RBMS3: variants seen among roughly 807,000 people sequenced by gnomAD.
RBMS3 encodes the protein RNA binding motif single stranded interacting protein 3.
A neutral mutation model predicts 66.8 loss-of-function variants in RBMS3; 27 were observed. The observed-to-expected ratio is 0.40, with a 90% confidence interval of 0.30 to 0.56. The LOEUF (loss-of-function observed/expected upper bound fraction) is 0.56. Among genes scored for constraint, RBMS3 ranks in the 20% least tolerant of loss-of-function variants. The pLI, the probability that RBMS3 is intolerant of heterozygous loss-of-function variation, is 0.40. For missense variants in RBMS3, 513 were observed against 549.5 expected, an observed-to-expected ratio of 0.93 and a Z score of 0.66; for synonymous variants, 188 against 183.0, an observed-to-expected ratio of 1.03 and a Z score of -0.22.
At chr3:29,738,838 G>A (rs980380393) in intron 4 of RBMS3, among the ~76,000 whole-genome samples, 1 of 152,192 alleles carries the variant, frequency 6.6e-6, no homozygotes, top group Non-Finnish European at 1.5e-5. Context: ...CTAGTGGAAG[G>A]CAGTAGACCA....
intron 4 of RBMS3, among the ~76,000 whole-genome samples, chr3:29,623,847 A>G (rs945290297): frequency 1.3e-5 from 2 of 152,216 alleles, no homozygotes; most frequent in Admixed American, 6.5e-5. Context: ...ACAATGGACT[A>G]TGAATGAAGT....
intron 6 of RBMS3, among the ~76,000 whole-genome samples, chr3:29,861,404 T>G (rs1170330320): frequency 6.6e-6 from 1 of 152,278 alleles, no homozygotes; most frequent in Middle Eastern, 3.4e-3. Context: ...ACCAGACCAG[T>G]AATGTTATAG....
intron 1 of RBMS3, among the ~76,000 whole-genome samples, chr3:29,350,108 C>T (rs1484105723): frequency 1.3e-5 from 2 of 150,290 alleles, no homozygotes; most frequent in Non-Finnish European, 2.9e-5. Context: ...TGCAGTGAAC[C>T]GAGGTCTCAC....
At chr3:29,765,626 G>A (rs1276000984) in intron 6 of RBMS3, 1 of 151,976 alleles carries the variant, frequency 6.6e-6, no homozygotes, top group Non-Finnish European at 1.5e-5. Flanking sequence ...TTAAGGTCAT[G>A]TAGATGAGGG....
chr3:29,602,824 G>T (rs9855561), intron 4 of RBMS3, among the ~76,000 whole-genome samples: 6 of 151,822 alleles, frequency 4.0e-5, no homozygotes, highest in African/African-American at 1.2e-4. Flanking sequence ...ATAACCTATT[G>T]CTTGCATTCA....
At chr3:29,442,116 C>T (rs550037792) in intron 2 of RBMS3, among the ~76,000 whole-genome samples, 3 of 152,238 alleles carry the variant, frequency 2.0e-5, no homozygotes, top group Admixed American at 2.0e-4. Context: ...ATTTATTCAA[C>T]ATTCTACTTT....
At chr3:29,620,350 A>G (rs2048823785) in intron 4 of RBMS3, among the ~76,000 whole-genome samples, 1 of 152,082 alleles carries the variant, frequency 6.6e-6, no homozygotes, top group Admixed American at 6.5e-5. Flanking sequence ...CTTTTCAATG[A>G]CTTGTTTGCA....
chr3:29,411,508 G>A (rs935345127), intron 1 of RBMS3, among the ~76,000 whole-genome samples: 1 of 152,030 alleles, frequency 6.6e-6, no homozygotes. Flanking sequence ...TCAGGAAATG[G>A]TCCAAAAGAC....
intron 4 of RBMS3, among the ~76,000 whole-genome samples, chr3:29,658,816 TG>T (rs2050417783): frequency 1.3e-5 from 2 of 152,230 alleles, no homozygotes; most frequent in African/African-American, 4.8e-5. Flanking sequence ...TGCTGTTTTT[TG>T]TTTGTTTGCT....
At chr3:29,752,221 T>C (rs1213334213) in intron 5 of RBMS3, among the ~76,000 whole-genome samples, 2 of 152,190 alleles carry the variant, frequency 1.3e-5, no homozygotes, top group Non-Finnish European at 2.9e-5. Context: ...AGAACTCTTC[T>C]ATGAAATTCT....
rs1006082606 is a variant in RBMS3, at chr3:29,442,928, G to T, written c.248+8013G>T. On this transcript the variant is annotated intron_variant, in intron 2 of 14. Coordinates refer to ENST00000383767, the MANE Select transcript of RBMS3 (RefSeq NM_001003793.3). ...ATATTTTGGAGTTTTCTGGAGATTG[G>T]ACCCCTCTTTTCACTCTATAAACTG... 2.0e-5 allele frequency among the ~76,000 whole-genome samples: 3 copies of T among 151,898 alleles called. No homozygotes were observed. The East Asian group carries it at 5.8e-4, about 29-fold the overall frequency.
At chr3:29,627,286 TTCTC>T (rs140189450) in intron 4 of RBMS3, among the ~76,000 whole-genome samples, 1 of 149,072 alleles carries the variant, frequency 6.7e-6, no homozygotes, top group Non-Finnish European at 1.5e-5. Context: ...TCTCTCTCTC[TTCTC>T]TCTCTCTCTG....
intron 6 of RBMS3, among the ~76,000 whole-genome samples, chr3:29,790,865 C>T (rs1207589463): frequency 6.6e-6 from 1 of 152,132 alleles, no homozygotes; most frequent in Non-Finnish European, 1.5e-5. Flanking sequence ...CTTTAAAATA[C>T]AAATTTGATT....
intron 3 of RBMS3, among the ~76,000 whole-genome samples, chr3:29,506,049 A>G (rs1410304683): frequency 2.6e-5 from 4 of 151,744 alleles, no homozygotes; most frequent in Admixed American, 2.6e-4. Flanking sequence ...CTTCCTTTCC[A>G]TTTTGAATGC....
intron 4 of RBMS3, chr3:29,640,981 G>C (rs1249691826): frequency 6.6e-6 from 1 of 151,824 alleles, no homozygotes; most frequent in Non-Finnish European, 1.5e-5. Context: ...AACAAACTTA[G>C]CATAGTCCTT....
chr3:29,402,266 C>T (rs1049309351), intron 1 of RBMS3, among the ~76,000 whole-genome samples: 7 of 152,038 alleles, frequency 4.6e-5, no homozygotes, highest in African/African-American at 1.7e-4. Context: ...TCTGGAGTAT[C>T]TTTAACCAGG....
At chr3:29,915,871 T>G (rs1447532759) in intron 10 of RBMS3, among the ~76,000 whole-genome samples, 1 of 152,046 alleles carries the variant, frequency 6.6e-6, no homozygotes, top group Non-Finnish European at 1.5e-5. Context: ...AAAAAACTTC[T>G]AATGCAAAAG....
intron 5 of RBMS3, among the ~76,000 whole-genome samples, chr3:29,750,234 T>C (rs946579082): frequency 6.6e-6 from 1 of 152,182 alleles, no homozygotes; most frequent in Non-Finnish European, 1.5e-5. Context: ...TCTAAATTTA[T>C]CAGAAATCTT....
At chr3:29,947,130 A>G (rs368192501) in intron 12 of RBMS3, among the ~76,000 whole-genome samples, 46 of 151,722 alleles carry the variant, frequency 3.0e-4, no homozygotes, top group Non-Finnish European at 3.8e-4. Flanking sequence ...GTATTTTACT[A>G]ACTACAATGT....
Sources: gnomAD v4.1 joint callset for allele counts (sites outside exome capture counted in the v4.1 genomes callset) on GRCh38, gnomAD v4.1.1 for gene constraint, MANE v1.5 for transcripts, NCBI Gene and HGNC (gene_info 2026-07-23, HGNC 2026-07-21) for gene names.